KIF15: variants seen among roughly 807,000 people sequenced by gnomAD.
The protein encoded by KIF15 is kinesin-like protein KIF15.
KIF15 carries 140 observed loss-of-function variants against 190.6 expected under a neutral mutation model. The ratio of observed to expected loss-of-function variants is 0.73; its 90% CI spans 0.64 to 0.84. The LOEUF (loss-of-function observed/expected upper bound fraction) is 0.84, where lower values mean the gene tolerates loss of function less well. KIF15 is among the 40% of genes least tolerant of loss of function. The pLI, the probability that KIF15 is intolerant of heterozygous loss-of-function variation, is 0.00. For synonymous variants in KIF15, 528 were observed against 551.3 expected (o/e 0.96, Z 0.59); for missense variants, 1,372 against 1,584.4 (o/e 0.87, Z 2.28).
chr3:44,776,133 G>T (rs1379860105), intron 3 of KIF15, among the ~76,000 whole-genome samples: 1 of 149,844 alleles, frequency 6.7e-6, no homozygotes, highest in South Asian at 2.1e-4. Flanking sequence ...AATTTCATCC[G>T]TCTCAAATAA....
In KIF15 at chr3:44,809,831, C is replaced by T. The variant is rs142913616; in HGVS notation, c.1972-1015C>T. Among the ~76,000 whole-genome samples the T allele has an allele frequency of 1.4e-3, 213 of 152,230 alleles. 1 individual carries two copies. Among genetic ancestry groups the T allele is most frequent in the African/African-American group, 4.5e-3 (186 of 41,526 alleles). On this transcript the variant is annotated intron_variant, in intron 16 of 34. Transcript: ENST00000326047. Reference sequence around the variant, plus strand: ...CCTGTAATTCTAGCACTTTGGGAGGCCAAAGCGGGCAGATCACTTGAGGCC... The same window carrying T: ...CCTGTAATTCTAGCACTTTGGGAGGTCAAAGCGGGCAGATCACTTGAGGCC...
At chr3:44,781,046 C>T (rs1361021037) in intron 5 of KIF15, 124 bp downstream of exon 5, 2 of 710,636 alleles carry the variant, frequency 2.8e-6, no homozygotes, top group East Asian at 5.5e-5. Context: ...AGGGAAATTC[C>T]CTAGGCTTCT....
At chr3:44,798,781 C>G (rs1707119419) in intron 10 of KIF15, among the ~76,000 whole-genome samples, 1 of 152,178 alleles carries the variant, frequency 6.6e-6, no homozygotes. Context: ...ATCAGTTCTG[C>G]AGCAGACATC....
chr3:44,814,937 C>A lies in KIF15; in HGVS notation c.2410C>A (p.Arg804=). The change falls in exon 20 of 35, where the codon CGA becomes AGA. Residue 804 remains arginine (R), a synonymous_variant. Transcript: ENST00000326047. ...DFLKSEVHDL[R]VVLHSADKEL... ...TTTGAAAAGTGAGGTACATGACCTGCGAGTAGTCCTTCATTCTGCTGACAA... is the reference window on the plus strand; with the variant it reads ...TTTGAAAAGTGAGGTACATGACCTGAGAGTAGTCCTTCATTCTGCTGACAA... The A allele has an allele frequency of 6.2e-7, 1 of 1,607,562 alleles. No individual in the cohort carries two copies. The highest frequency in any genetic ancestry group is 1.1e-5 in the South Asian group (1 of 89,514).
intron 6 of KIF15, among the ~76,000 whole-genome samples, chr3:44,867,040 T>C (rs1212858531): frequency 6.6e-6 from 1 of 152,214 alleles, no homozygotes; most frequent in Non-Finnish European, 1.5e-5. Flanking sequence ...CTTTGACACA[T>C]TGCCTCCCAG....
chr3:44,802,852 A>G lies in KIF15; in HGVS notation c.1548A>G (p.Glu516=). The change falls in exon 14 of 35, where the codon GAA becomes GAG. Residue 516 remains glutamate (E), a synonymous_variant. Coordinates refer to ENST00000326047, the MANE Select transcript of KIF15 (RefSeq NM_020242.3). The part of the protein sequence containing the change: ...HHPRVAKYAM[E]NHSLREENRR... ...CCAGAGTTGCAAAGTATGCTATGGAAAATCATTCCCTCAGGGAGGAGAATA... is the reference window on the plus strand; with the variant it reads ...CCAGAGTTGCAAAGTATGCTATGGAGAATCATTCCCTCAGGGAGGAGAATA... 6.3e-7 allele frequency: 1 copy of G among 1,598,578 alleles called. No homozygotes were observed. Among genetic ancestry groups the G allele is most frequent in the Non-Finnish European group, 8.5e-7 (1 of 1,176,018 alleles).
In KIF15 at chr3:44,771,807, G is replaced by C. The variant is rs112939933; in HGVS notation, c.20-2588G>C. ...TATAATACCCTTTTGAATTTAATCA[G>C]TATGTTCACACAAGGAATTTTTTTT... On this transcript the variant is annotated intron_variant, in intron 1 of 34. Coordinates refer to ENST00000326047, the MANE Select transcript of KIF15 (RefSeq NM_020242.3). Among the ~76,000 whole-genome samples the C allele has an allele frequency of 5.3e-5, 8 of 152,294 alleles. 1 individual carries two copies. Among genetic ancestry groups the C allele is most frequent in the African/African-American group, 1.9e-4 (8 of 41,556 alleles).
intron 20 of KIF15, among the ~76,000 whole-genome samples, chr3:44,823,702 C>T (rs1697484998): frequency 1.3e-5 from 2 of 152,230 alleles, no homozygotes; most frequent in African/African-American, 4.8e-5. Flanking sequence ...TGTTTACCTA[C>T]TCAAGCCTCA....
At chr3:44,826,923 A>G in intron 22 of KIF15, 1 of 430,580 alleles carries the variant, frequency 2.3e-6, no homozygotes, top group Non-Finnish European at 4.7e-6. Context: ...GCTGAGAGTC[A>G]CTCTAATGAG....
intron 32 of KIF15, among the ~76,000 whole-genome samples, chr3:44,849,831 TTA>T (rs1365864239): frequency 9.9e-5 from 15 of 152,204 alleles, no homozygotes; most frequent in African/African-American, 3.4e-4. Context: ...CACATTACAA[TTA>T]TTAATCAGTG....
At chr3:44,861,958 G>A in intron 6 of KIF15, 1 of 1,403,560 alleles carries the variant, frequency 7.1e-7, no homozygotes, top group Non-Finnish European at 9.2e-7. Context: ...GGGCGGCGCC[G>A]TGTCCGCGAC....
chr3:44,813,717 G>T (rs1233619377), intron 19 of KIF15, among the ~76,000 whole-genome samples: 15 of 148,670 alleles, frequency 1.0e-4, no homozygotes, highest in Non-Finnish European at 3.0e-5. Context: ...GCAACCTCCA[G>T]CTCCTGGGTT....
chr3:44,868,479 G>GTA (rs1699343825), intron 6 of KIF15, among the ~76,000 whole-genome samples: 1 of 152,064 alleles, frequency 6.6e-6, no homozygotes. Context: ...ATTCTATTGG[G>GTA]TATATACCTA....
chr3:44,777,369 T>G (rs954350115), intron 3 of KIF15, among the ~76,000 whole-genome samples: 1 of 152,178 alleles, frequency 6.6e-6, no homozygotes, highest in African/African-American at 2.4e-5. Context: ...TTGGATCTTT[T>G]TTTTATGTGG....
At chr3:44,856,705 T>C (rs933793474), downstream of KIF15, among the ~76,000 whole-genome samples, 9 of 152,132 alleles carry the variant, frequency 5.9e-5, no homozygotes, top group African/African-American at 2.2e-4. Flanking sequence ...CTGATGCCTT[T>C]TGGTGGCCCT....
chr3:44,865,148 A>T, intron 6 of KIF15: 1 of 1,614,110 alleles, frequency 6.2e-7, no homozygotes, highest in African/African-American at 1.3e-5. Context: ...GCTCCCACCC[A>T]CCTGGAAGCC....
chr3:44,823,932 G>T (rs1187331946), intron 20 of KIF15, among the ~76,000 whole-genome samples: 1 of 152,290 alleles, frequency 6.6e-6, no homozygotes, highest in South Asian at 2.1e-4. Context: ...GCTTCCCTTG[G>T]CTAGGAAAGG....
At chr3:44,840,316 T>G in intron 27 of KIF15, 39 bp from the exon 28 acceptor site, 1 of 1,228,830 alleles carries the variant, frequency 8.1e-7, no homozygotes, top group Non-Finnish European at 1.2e-6. Flanking sequence ...GTACCCCATA[T>G]TACTAAGTTG....
In KIF15 at chr3:44,840,440, C is replaced by A; in HGVS notation, c.3404C>A (p.Ala1135Asp). 6.3e-7 allele frequency: 1 copy of A among 1,597,444 alleles called. No individual in the cohort carries two copies. Among genetic ancestry groups the A allele is most frequent in the Non-Finnish European group, 8.6e-7 (1 of 1,167,394 alleles). ...CAACTAGAACATGTGATGGATTCTGCTGCTGAGGATCCCCAGGTACTTTTC... is the reference window on the plus strand; with the variant it reads ...CAACTAGAACATGTGATGGATTCTGATGCTGAGGATCCCCAGGTACTTTTC... Reference protein sequence around the residue: ...MRQLEHVMDSAAEDPQSPKTP... With the variant: ...MRQLEHVMDSDAEDPQSPKTP... Residue 1135 changes from alanine to aspartate, a missense_variant, in exon 28 of 35, where the codon GCT becomes GAT. By Grantham distance (126) the Ala-to-Asp change is moderately radical. Transcript: ENST00000326047.
Sources: gnomAD v4.1 joint callset for allele counts (sites outside exome capture counted in the v4.1 genomes callset) on GRCh38, gnomAD v4.1.1 for gene constraint, MANE v1.5 for transcripts, NCBI Gene and HGNC (gene_info 2026-07-23, HGNC 2026-07-21) for gene names.